Variants in PDE4D observed in about 807,000 individuals in gnomAD.
PDE4D encodes phosphodiesterase 4D, also known as 3',5'-cyclic-AMP phosphodiesterase 4D.
A neutral mutation model predicts 87.4 loss-of-function variants in PDE4D; 24 were observed. The ratio of observed to expected loss-of-function variants is 0.27; its 90% confidence interval spans 0.20 to 0.39. PDE4D has a LOEUF of 0.39. Among genes scored for constraint, PDE4D ranks in the 10% least tolerant of loss-of-function variants. PDE4D has a pLI of 1.00. For missense variants in PDE4D, 714 were observed against 1,041.0 expected, an observed-to-expected ratio of 0.69 and a Z score of 4.32; for synonymous variants, 384 against 383.2, an observed-to-expected ratio of 1.00 and a Z score of -0.02.
intron 1 of PDE4D, among the ~76,000 whole-genome samples, chr5:59,359,787 T>A (rs531283180): frequency 1.3e-5 from 2 of 152,290 alleles, no homozygotes; most frequent in African/African-American, 4.8e-5. Context: ...TGAATTTTAG[T>A]AAAAGCATGA....
intron 1 of PDE4D, among the ~76,000 whole-genome samples, chr5:59,311,230 G>T (rs1581894086): frequency 6.6e-6 from 1 of 152,164 alleles, no homozygotes; most frequent in South Asian, 2.1e-4. Context: ...AAGGGGATCA[G>T]GAAGGAATGC....
chr5:60,017,729 C>A (rs554081246), intron 2 of PDE4D, among the ~76,000 whole-genome samples: 3 of 152,100 alleles, frequency 2.0e-5, no homozygotes, highest in African/African-American at 7.2e-5. Flanking sequence ...CATGCCTTTG[C>A]TATTGTGAAT....
rs1743200194 is a variant in PDE4D, at chr5:58,974,378, T to G, written c.*286A>C. The G allele has an allele frequency of 7.9e-6, 2 of 252,408 alleles. No homozygotes were observed. Among genetic ancestry groups the G allele is most frequent in the Admixed American group, 1.0e-4 (2 of 19,446 alleles). 15.6% of individuals were successfully genotyped at this position (252,408 alleles called of 1,614,324 possible). On this transcript the variant is annotated 3_prime_UTR_variant, in exon 15 of 15. Coordinates refer to ENST00000340635, the MANE Select transcript of PDE4D (RefSeq NM_001104631.2). ...GGGCTGCCTGATGAGTCACACTCTCTTGAAAATAATTTGGAGTAGATTTTA... is the reference window on the plus strand; with the variant it reads ...GGGCTGCCTGATGAGTCACACTCTCGTGAAAATAATTTGGAGTAGATTTTA...
rs1561402852 is a variant in PDE4D at position 59,649,904 on chromosome 5, C to CTTTTTTTTT, written c.455+243263_455+243264insAAAAAAAAA. Among the ~76,000 whole-genome samples, 540 of 73,938 alleles carry CTTTTTTTTT rather than the reference C, an allele frequency of 7.3e-3. 121 individuals are homozygous for CTTTTTTTTT. Among genetic ancestry groups the CTTTTTTTTT allele is most frequent in the Non-Finnish European group, 8.8e-3 (349 of 39,626 alleles). 48.5% of individuals were successfully genotyped at this position (73,938 alleles called of 152,430 possible). A position where few individuals can be genotyped will look rare whatever the true frequency, so the allele number is the denominator to read the frequency against. ...TGTTAAAATGTTGATAGTTTGTGAA[C>CTTTTTTTTT]CTTTTTTTTTTTTTTTTTTTTTTTT... On this transcript the variant is annotated intron_variant, in intron 1 of 14. Coordinates refer to ENST00000340635, the MANE Select transcript of PDE4D (RefSeq NM_001104631.2).
At chr5:59,309,530 T>C (rs1772146289) in intron 1 of PDE4D, among the ~76,000 whole-genome samples, 1 of 152,172 alleles carries the variant, frequency 6.6e-6, no homozygotes. Context: ...GACCTTCAGC[T>C]TCTCCAGTGG....
chr5:59,307,617 C>T (rs372919049), intron 1 of PDE4D, among the ~76,000 whole-genome samples: 16 of 151,216 alleles, frequency 1.1e-4, no homozygotes, highest in East Asian at 1.9e-4. Flanking sequence ...AAAATGCTCA[C>T]CATCACTGGC....
At chr5:59,579,837 G>A (rs138590453) in intron 1 of PDE4D, among the ~76,000 whole-genome samples, 5 of 152,184 alleles carry the variant, frequency 3.3e-5, no homozygotes, top group African/African-American at 7.2e-5. Flanking sequence ...CTAATATATC[G>A]TCCAGAGAGG....
chr5:60,492,836 G>A (rs567843086), upstream of PDE4D, among the ~76,000 whole-genome samples: 45 of 151,126 alleles, frequency 3.0e-4, 1 homozygote, highest in African/African-American at 1.0e-3. Context: ...GCACATGTAT[G>A]CCTATGTAAC....
At chr5:60,069,792 T>A (rs1772512888) in intron 2 of PDE4D, among the ~76,000 whole-genome samples, 1 of 152,176 alleles carries the variant, frequency 6.6e-6, no homozygotes, top group Non-Finnish European at 1.5e-5. Context: ...ATTTTAACAA[T>A]GTTAAGTCTT....
chr5:60,220,815 T>C (rs1341403331), intron 1 of PDE4D, among the ~76,000 whole-genome samples: 10 of 152,172 alleles, frequency 6.6e-5, no homozygotes, highest in Admixed American at 6.5e-4. Flanking sequence ...CATAGTGAAA[T>C]ACCTACTTCA....
At chr5:59,793,577 T>C (rs939758798) in intron 1 of PDE4D, among the ~76,000 whole-genome samples, 5 of 152,210 alleles carry the variant, frequency 3.3e-5, no homozygotes, top group African/African-American at 1.2e-4. Context: ...CAGTTGAACA[T>C]GAACATCTAG....
chr5:59,771,023 T>A (rs1020165017), intron 1 of PDE4D, among the ~76,000 whole-genome samples: 1 of 151,910 alleles, frequency 6.6e-6, no homozygotes, highest in African/African-American at 2.4e-5. Context: ...CCCAGGCTAC[T>A]CAGGAGGCTG....
intron 2 of PDE4D, among the ~76,000 whole-genome samples, chr5:60,068,089 A>T (rs912803016): frequency 1.3e-5 from 2 of 152,188 alleles, no homozygotes; most frequent in East Asian, 3.9e-4. Flanking sequence ...AACACCCCAA[A>T]GTGGGATTGC....
chr5:59,443,923 AAAC>A (rs149847452), intron 1 of PDE4D, among the ~76,000 whole-genome samples: 2,420 of 151,320 alleles, frequency 0.016, 66 homozygotes, highest in African/African-American at 0.057. Flanking sequence ...TAAAGAGAGA[AAAC>A]AAGAGAAATA....
chr5:60,207,810 A>G (rs142887709), intron 1 of PDE4D, among the ~76,000 whole-genome samples: 217 of 152,328 alleles, frequency 1.4e-3, no homozygotes, highest in African/African-American at 4.9e-3. Context: ...GAATCAATCA[A>G]TGGTCTGCTC....
chr5:60,503,568 A>C (rs1750192991), intron 1 of PDE4D, among the ~76,000 whole-genome samples: 1 of 152,120 alleles, frequency 6.6e-6, no homozygotes, highest in Non-Finnish European at 1.5e-5. Flanking sequence ...CTTTTAGAGG[A>C]ATCAAGAATC....
chr5:59,910,498 C>T (rs902342092), intron 3 of PDE4D, among the ~76,000 whole-genome samples: 20 of 152,088 alleles, frequency 1.3e-4, no homozygotes, highest in African/African-American at 4.8e-4. Flanking sequence ...AAAATTGATC[C>T]CAAACCAGAC....
intron 3 of PDE4D, chr5:59,986,390 G>C (rs1360446407): frequency 6.6e-6 from 1 of 152,152 alleles, no homozygotes; most frequent in Non-Finnish European, 1.5e-5. Flanking sequence ...CAACTACATA[G>C]AGATATATTA....
rs533615396 is a variant in PDE4D at position 59,170,641 on chromosome 5, A to G, written c.808+9954T>C. ...TAAGTTCAATTCAATATACATAATT[A>G]AAGTGCATTAAATGTGTGCCTATTG... On this transcript the variant is annotated intron_variant, in intron 5 of 14. Coordinates refer to ENST00000340635, the MANE Select transcript of PDE4D (RefSeq NM_001104631.2). Among the ~76,000 whole-genome samples, 5 of 152,354 alleles carry G rather than the reference A, an allele frequency of 3.3e-5. No homozygotes were observed. In the East Asian group the frequency reaches 9.6e-4, roughly 29 times the overall value.
Sources: allele counts gnomAD v4.1 joint callset (sites outside exome capture counted in the v4.1 genomes callset), GRCh38; gene constraint gnomAD v4.1.1; transcripts MANE v1.5; gene names NCBI Gene and HGNC (gene_info 2026-07-23, HGNC 2026-07-21).